WDR76: variants seen among roughly 807,000 people sequenced by gnomAD.
WDR76 encodes the protein WD repeat-containing protein 76.
Under a neutral mutation model 70.2 loss-of-function variants are expected in WDR76, and 52 were observed. That is an observed-to-expected ratio of 0.74 (90% CI 0.59 to 0.93). The LOEUF is 0.93. WDR76 is among the 40% of genes least tolerant of loss of function. WDR76 has a pLI of 0.00. For missense variants in WDR76, 756 were observed against 760.2 expected (o/e 0.99, Z 0.07); for synonymous variants, 292 against 271.1 (o/e 1.08, Z -0.76).
intron 9 of WDR76, among the ~76,000 whole-genome samples, chr15:43,852,518 C>A (rs1027707594): frequency 2.0e-5 from 3 of 152,058 alleles, no homozygotes; most frequent in African/African-American, 7.2e-5. Context: ...ACTACAGGCG[C>A]ATGCCACCAT....
Position 43,839,683 on chromosome 15 carries a change from A to T in WDR76, c.687A>T (p.Ser229=). 1.9e-6 allele frequency: 3 copies of T among 1,612,408 alleles called. No individual in the cohort carries two copies. The highest frequency in any genetic ancestry group is 2.5e-6 in the Non-Finnish European group (3 of 1,178,884). The change falls in exon 5 of 13, where the codon TCA becomes TCT. Residue 229 remains serine, a synonymous_variant. Transcript: ENST00000263795. Reference sequence around the variant, plus strand: ...TAAAAGTTGATCCTTCGGGAGTTTCATTACCAGCAGCTCCAACACCGCCGA... The same window carrying T: ...TAAAAGTTGATCCTTCGGGAGTTTCTTTACCAGCAGCTCCAACACCGCCGA... ...RLLKVDPSGV[S]LPAAPTPPTL... is the part of the protein sequence containing the mutation.
intron 10 of WDR76, 36 bp from the exon 11 acceptor site, chr15:43,858,635 C>T (rs751149008): frequency 6.2e-7 from 1 of 1,607,234 alleles, no homozygotes; most frequent in South Asian, 1.1e-5. Context: ...ATTACATGTA[C>T]TATGGCAACA....
intron 3 of WDR76, 36 bp from the exon 4 acceptor site, chr15:43,836,125 G>A (rs770509795): frequency 9.5e-6 from 15 of 1,585,240 alleles, no homozygotes; most frequent in Non-Finnish European, 1.3e-5. Flanking sequence ...AAGATACGTA[G>A]TTATAACATT....
intron 11 of WDR76, among the ~76,000 whole-genome samples, chr15:43,859,637 G>T (rs947070370): frequency 6.6e-6 from 1 of 152,116 alleles, no homozygotes; most frequent in Non-Finnish European, 1.5e-5. Flanking sequence ...CAAAGTCTGT[G>T]AGTATTAACC....
At chr15:43,836,239 C>A (rs748139123) in intron 4 of WDR76, 23 bp downstream of exon 4, 13 of 1,600,094 alleles carry the variant, frequency 8.1e-6, no homozygotes, top group Non-Finnish European at 8.5e-7. Flanking sequence ...GTTTGCAATG[C>A]CTGAACCATG....
chr15:43,865,354 C>T (rs1342277634), intron 12 of WDR76, among the ~76,000 whole-genome samples: 17 of 152,212 alleles, frequency 1.1e-4, no homozygotes, highest in Non-Finnish European at 8.8e-5. Flanking sequence ...CTCACTGTAG[C>T]CTCCATCTCC....
intron 10 of WDR76, 105 bp downstream of exon 10, chr15:43,857,268 A>ACAAAAGTAATAC: frequency 8.4e-7 from 1 of 1,187,516 alleles, no homozygotes; most frequent in Non-Finnish European, 1.1e-6. Flanking sequence ...AAAAGGTATT[A>ACAAAAGTAATAC]CTTTTGTAAT....
chr15:43,858,725 G>A lies in WDR76; in HGVS notation c.1464G>A (p.Leu488=), dbSNP rs773082791. 5 of 1,614,020 alleles carry A rather than the reference G, an allele frequency of 3.1e-6. No individual in the cohort carries two copies. The African/African-American group carries it at 6.7e-5, about 22-fold the overall frequency. The change falls in exon 11 of 13, where the codon TTG becomes TTA. Residue 488 remains leucine, a synonymous_variant. Coordinates refer to ENST00000263795, the MANE Select transcript of WDR76 (RefSeq NM_024908.4). ...RRLNSRRSQP[L]ISLTEHTKSI... is the part of the protein sequence containing the mutation. ...TGAATTCCAGGAGAAGTCAGCCTTT[G>A]ATTTCTTTGACTGAACATACAAAGA...
At chr15:43,858,873 C>G (rs774086768) in intron 11 of WDR76, 50 bp downstream of exon 11, 9 of 1,579,344 alleles carry the variant, frequency 5.7e-6, no homozygotes, top group Non-Finnish European at 7.7e-6. Context: ...GAGTCTATAG[C>G]TACTGTGTCA....
intron 5 of WDR76, 23 bp from the exon 6 acceptor site, chr15:43,842,392 T>A (rs372639697): frequency 1.3e-4 from 213 of 1,607,704 alleles, no homozygotes; most frequent in Non-Finnish European, 1.7e-4. Flanking sequence ...GCCCAACAAA[T>A]AACTTTTTAT....
chr15:43,853,035 C>T (rs763217191), intron 9 of WDR76, among the ~76,000 whole-genome samples: 8 of 152,046 alleles, frequency 5.3e-5, no homozygotes, highest in East Asian at 1.9e-4. Flanking sequence ...ATTACAGGCA[C>T]GTGCCACCAC....
intron 4 of WDR76, among the ~76,000 whole-genome samples, chr15:43,837,257 T>C (rs956730393): frequency 2.0e-5 from 3 of 152,180 alleles, no homozygotes; most frequent in African/African-American, 7.2e-5. Flanking sequence ...TTCATTTACT[T>C]GGTTTGATTC....
chr15:43,827,833 C>T, intron 1 of WDR76, 132 bp from the exon 2 acceptor site: 1 of 1,028,206 alleles, frequency 9.7e-7, no homozygotes, highest in Admixed American at 3.0e-5. Context: ...GCGTGAGCCA[C>T]TGCACCTGGC....
chr15:43,866,555 A>G lies in WDR76; in HGVS notation c.*163A>G. ...GAAGAGTGTACTTTTAGTAAGGGAG[A>G]AGTCTTGGAGGGTTGCTTCTGCAGG... On this transcript the variant is annotated 3_prime_UTR_variant, in exon 13 of 13. Transcript: ENST00000263795. 1.2e-6 allele frequency: 1 copy of G among 854,400 alleles called. No homozygotes were observed. The highest frequency in any genetic ancestry group is 1.9e-5 in the South Asian group (1 of 52,530). The allele number at this position is 854,400 out of a possible 1,614,324, so 52.9% of individuals were successfully genotyped here.
intron 9 of WDR76, among the ~76,000 whole-genome samples, chr15:43,855,803 C>T (rs560621381): frequency 1.3e-5 from 2 of 151,012 alleles, no homozygotes; most frequent in African/African-American, 4.9e-5. Flanking sequence ...GAGCCGAGAT[C>T]GTGCCACTGT....
chr15:43,857,004 C>G lies in WDR76; in HGVS notation c.1250C>G (p.Ser417Cys). 4.3e-6 allele frequency: 7 copies of G among 1,614,050 alleles called. No homozygotes were observed. The highest frequency in any genetic ancestry group is 5.9e-6 in the Non-Finnish European group (7 of 1,180,004). Residue 417 changes from serine to cysteine, a missense_variant, in exon 10 of 13, where the codon TCC becomes TGC. Transcript: ENST00000263795. The stretch of plus-strand genomic sequence containing the variant: ...TTCGACTTCTTGGCAGAAGATGCCT[C>G]CACTTTAATAGTAGGACACTGGGAT... ...SSFDFLAEDA[S>C]TLIVGHWDGN...
At chr15:43,855,158 A>G (rs1396650733) in intron 9 of WDR76, among the ~76,000 whole-genome samples, 1 of 152,194 alleles carries the variant, frequency 6.6e-6, no homozygotes, top group Non-Finnish European at 1.5e-5. Flanking sequence ...AACAGTTTTA[A>G]GATGCGTTCA....
chr15:43,864,540 A>T (rs539675615), intron 12 of WDR76, among the ~76,000 whole-genome samples: 2 of 150,968 alleles, frequency 1.3e-5, no homozygotes, highest in Non-Finnish European at 2.9e-5. Flanking sequence ...GGCCATTTGT[A>T]TATCGTCTTT....
intron 9 of WDR76, 43 bp downstream of exon 9, chr15:43,851,288 T>G: frequency 6.3e-7 from 1 of 1,595,866 alleles, no homozygotes. Flanking sequence ...GATGATATTC[T>G]AGATTCTTCG....
Sources: allele counts gnomAD v4.1 joint callset (sites outside exome capture counted in the v4.1 genomes callset), GRCh38; gene constraint gnomAD v4.1.1; transcripts MANE v1.5; gene names NCBI Gene and HGNC (gene_info 2026-07-23, HGNC 2026-07-21).